Variants in RAD51B observed in about 807,000 individuals in gnomAD.
RAD51B encodes the protein RAD51 paralog B, also known as DNA repair protein RAD51 homolog 2.
Under a neutral mutation model 42.2 loss-of-function variants are expected in RAD51B, and 38 were observed. That is an observed-to-expected ratio of 0.90 (90% confidence interval 0.70 to 1.18). RAD51B has a LOEUF of 1.18. Among genes scored for constraint, RAD51B ranks in the 50% most tolerant of loss-of-function variants. RAD51B has a pLI of 0.00. For synonymous variants in RAD51B, 154 were observed against 145.2 expected (o/e 1.06, Z -0.43); for missense variants, 373 against 400.7 (o/e 0.93, Z 0.59).
exon 11 of RAD51B, chr14:68,611,171 T>C (rs766708645): frequency 1.8e-5 from 13 of 702,962 alleles, no homozygotes; most frequent in Non-Finnish European, 3.4e-5. Context: ...CACTCAACTG[T>C]CCTCTCTTCT....
chr14:68,597,258 T>C (rs1396969214), downstream of RAD51B, among the ~76,000 whole-genome samples: 2 of 152,142 alleles, frequency 1.3e-5, no homozygotes, highest in African/African-American at 4.8e-5. Flanking sequence ...GGGGGAACCA[T>C]ACCCAGTGGG....
At chr14:68,250,880 T>C (rs1159007112) in intron 7 of RAD51B, among the ~76,000 whole-genome samples, 1 of 152,222 alleles carries the variant, frequency 6.6e-6, no homozygotes, top group Non-Finnish European at 1.5e-5. Context: ...AGCCAGAGGT[T>C]ACCAGAAGTT....
At chr14:68,596,512 G>A (rs1041960044), downstream of RAD51B, among the ~76,000 whole-genome samples, 1 of 152,172 alleles carries the variant, frequency 6.6e-6, no homozygotes, top group African/African-American at 2.4e-5. Context: ...AGGGAATTGG[G>A]AAGAGCAAAA....
chr14:68,100,903 A>G (rs538826602), intron 7 of RAD51B, among the ~76,000 whole-genome samples: 5 of 152,324 alleles, frequency 3.3e-5, no homozygotes, highest in Non-Finnish European at 7.3e-5. Context: ...GCTAATGAAG[A>G]CATACCTGAG....
chr14:68,538,577 G>A (rs1043505237), intron 10 of RAD51B, among the ~76,000 whole-genome samples: 1 of 151,210 alleles, frequency 6.6e-6, no homozygotes, highest in Non-Finnish European at 1.5e-5. Context: ...CCCTGCAAAT[G>A]TTAGGGGTGG....
At chr14:68,578,857 T>G (rs983079036) in intron 10 of RAD51B, among the ~76,000 whole-genome samples, 4 of 152,220 alleles carry the variant, frequency 2.6e-5, no homozygotes, top group African/African-American at 9.6e-5. Flanking sequence ...TCATTCGACC[T>G]TCCCAAGACC....
intron 7 of RAD51B, among the ~76,000 whole-genome samples, chr14:68,132,423 C>T (rs566879320): frequency 6.6e-6 from 1 of 152,262 alleles, no homozygotes; most frequent in Non-Finnish European, 1.5e-5. Flanking sequence ...TCCATGGAGG[C>T]ATATGTGTTT....
chr14:68,352,934 T>A (rs7159945), intron 8 of RAD51B, among the ~76,000 whole-genome samples: 6,252 of 152,264 alleles, frequency 0.041, 425 homozygotes, highest in African/African-American at 0.14. Flanking sequence ...ATGGGAAAAG[T>A]GAGGCTGGTA....
intron 7 of RAD51B, among the ~76,000 whole-genome samples, chr14:68,274,212 A>G (rs1440169594): frequency 2.0e-5 from 3 of 150,954 alleles, no homozygotes; most frequent in Non-Finnish European, 4.4e-5. Context: ...CTTCCATTTC[A>G]CTCTTCCCCT....
chr14:68,295,159 A>G (rs539243132), intron 8 of RAD51B, among the ~76,000 whole-genome samples: 1 of 152,354 alleles, frequency 6.6e-6, no homozygotes, highest in East Asian at 1.9e-4. Context: ...GCTCAGGGGC[A>G]GGAGCAATGC....
At chr14:68,563,157 C>A (rs1889239720) in intron 10 of RAD51B, 1 of 985,308 alleles carries the variant, frequency 1.0e-6, no homozygotes, top group Admixed American at 6.1e-5. Flanking sequence ...GAGAGAAGTT[C>A]TTTATTTCCC....
chr14:68,324,843 A>C (rs1288632912), intron 8 of RAD51B, among the ~76,000 whole-genome samples: 2 of 152,234 alleles, frequency 1.3e-5, no homozygotes, highest in African/African-American at 4.8e-5. Context: ...GCTCACCCCC[A>C]GTTATTCCTC....
intron 7 of RAD51B, among the ~76,000 whole-genome samples, chr14:68,164,114 G>A (rs2078702060): frequency 6.6e-6 from 1 of 152,128 alleles, no homozygotes. Flanking sequence ...GAGATGACAG[G>A]TCACTTGACT....
At chr14:67,904,655 C>T (rs2043723529) in intron 7 of RAD51B, among the ~76,000 whole-genome samples, 1 of 151,756 alleles carries the variant, frequency 6.6e-6, no homozygotes, top group South Asian at 2.1e-4. Context: ...CTAAGCATGC[C>T]ACCACACCCA....
At chr14:68,024,915 T>G (rs1038605726) in intron 7 of RAD51B, among the ~76,000 whole-genome samples, 2 of 152,084 alleles carry the variant, frequency 1.3e-5, no homozygotes. Context: ...ATTAGGCACC[T>G]TTTTCTTGTT....
chr14:68,562,278 G>A (rs1254716933), intron 10 of RAD51B: 1 of 985,272 alleles, frequency 1.0e-6, no homozygotes, highest in Non-Finnish European at 1.2e-6. Flanking sequence ...TCTTTGCAAC[G>A]GAAAATGCCA....
chr14:68,533,190 A>C (rs927023670), intron 10 of RAD51B, among the ~76,000 whole-genome samples: 1 of 152,208 alleles, frequency 6.6e-6, no homozygotes, highest in Non-Finnish European at 1.5e-5. Context: ...ATTATTATAA[A>C]TAATAAGAGA....
intron 7 of RAD51B, among the ~76,000 whole-genome samples, chr14:68,244,861 T>A (rs968876881): frequency 2.0e-5 from 3 of 152,176 alleles, no homozygotes; most frequent in African/African-American, 4.8e-5. Flanking sequence ...TCCTAGACTT[T>A]CCCATAACAA....
intron 7 of RAD51B, among the ~76,000 whole-genome samples, chr14:68,020,830 A>G (rs1279440558): frequency 2.6e-5 from 4 of 152,224 alleles, no homozygotes; most frequent in African/African-American, 9.6e-5. Flanking sequence ...ATTATTTTCT[A>G]ATCTGCTTTT....
Sources: allele counts gnomAD v4.1 joint callset (sites outside exome capture counted in the v4.1 genomes callset), GRCh38; gene constraint gnomAD v4.1.1; transcripts MANE v1.5; gene names NCBI Gene and HGNC (gene_info 2026-07-23, HGNC 2026-07-21).